STRBP: variants seen among roughly 807,000 people sequenced by gnomAD.
STRBP encodes spermatid perinuclear RNA-binding protein.
STRBP carries 13 observed loss-of-function variants against 80.1 expected under a neutral mutation model. The observed-to-expected ratio is 0.16, with a 90% CI of 0.11 to 0.26. The LOEUF is 0.26. STRBP is among the 10% of genes least tolerant of loss of function. The pLI, the probability that STRBP is intolerant of heterozygous loss-of-function variation, is 1.00. For synonymous variants in STRBP, 284 were observed against 291.2 expected (o/e 0.98, Z 0.25); for missense variants, 485 against 815.2 (o/e 0.59, Z 4.93).
chr9:123,158,122 TG>T lies in STRBP; in HGVS notation c.934del (p.His312MetfsTer44). The T allele has an allele frequency of 6.2e-7, 1 of 1,606,646 alleles. No individual in the cohort carries two copies. The highest frequency in any genetic ancestry group is 8.5e-7 in the Non-Finnish European group (1 of 1,174,416). On this transcript the variant is annotated frameshift_variant and splice_region_variant, in exon 11 of 19. Coordinates refer to ENST00000348403, the MANE Select transcript of STRBP (RefSeq NM_018387.5). LOFTEE classifies it high-confidence loss of function. ...GCCAAAGGCTGATAGTCTGAGTGCA[TG>T]CTAAAGAACAAAGTATTATATTTAA... is the stretch of plus-strand genomic sequence containing the variant. Reference protein sequence around the residue: ...QKEDITHSAQHALRLSAFGQI... With the variant: ...QKEDITHSAQXALRLSAFGQI...
rs545382481 is a variant in STRBP, at chr9:123,197,339, C to T, written c.-164-13041G>A. On this transcript the variant is annotated intron_variant, in intron 2 of 18. Transcript: ENST00000348403. ...ATTTGATAACACAACAGGGTGATTA[C>T]AGTCAGTAATTTTTTTTATTTCAAT... 1.3e-4 allele frequency among the ~76,000 whole-genome samples: 20 copies of T among 152,148 alleles called. No homozygotes were observed. The South Asian group carries it at 3.7e-3, about 28-fold the overall frequency.
intron 1 of STRBP, among the ~76,000 whole-genome samples, chr9:123,260,461 G>A (rs2041137091): frequency 6.6e-6 from 1 of 152,158 alleles, no homozygotes; most frequent in African/African-American, 2.4e-5. Flanking sequence ...ACTTCATGAG[G>A]CATTATCTTT....
downstream of STRBP, among the ~76,000 whole-genome samples, chr9:123,119,621 C>T (rs1012476001): frequency 6.6e-6 from 1 of 152,126 alleles, no homozygotes; most frequent in Non-Finnish European, 1.5e-5. Context: ...GGAACCGACA[C>T]AGCTCCACCC....
chr9:123,259,614 CAGG>C lies in STRBP; in HGVS notation c.-302+8819_-302+8821del, dbSNP rs774890719. Among the ~76,000 whole-genome samples the C allele has an allele frequency of 4.0e-4, 61 of 152,268 alleles. 1 individual carries two copies. The highest frequency in any genetic ancestry group is 5.8e-4 in the East Asian group (3 of 5,180). ...ATCCCAGATACTGAGGAGGCTGAGG[CAGG>C]AGAATTGCTTGAACCCGGGCAGCAG... On this transcript the variant is annotated intron_variant, in intron 1 of 18. Coordinates refer to ENST00000348403, the MANE Select transcript of STRBP (RefSeq NM_018387.5).
intron 2 of STRBP, among the ~76,000 whole-genome samples, chr9:123,202,414 A>G (rs1369380613): frequency 6.6e-6 from 1 of 152,194 alleles, no homozygotes; most frequent in Non-Finnish European, 1.5e-5. Context: ...GGTAGGGACA[A>G]ATTCCCCTGG....
chr9:123,210,949 T>C (rs1588108023), intron 2 of STRBP, among the ~76,000 whole-genome samples: 1 of 152,142 alleles, frequency 6.6e-6, no homozygotes, highest in African/African-American at 2.4e-5. Context: ...GGACCCACAA[T>C]GGCTTTTTAT....
At chr9:123,170,578 T>G (rs760805936) in intron 5 of STRBP, among the ~76,000 whole-genome samples, 33 of 152,130 alleles carry the variant, frequency 2.2e-4, no homozygotes, top group Non-Finnish European at 3.8e-4. Context: ...GAGGAAACAA[T>G]GAGTATAAAC....
At chr9:123,204,923 C>CAAAAAAAAA (rs34576355) in intron 2 of STRBP, among the ~76,000 whole-genome samples, 1 of 54,544 alleles carries the variant, frequency 1.8e-5, no homozygotes, top group African/African-American at 6.1e-5. Context: ...GACTCCATCT[C>CAAAAAAAAA]AAAAAAAAAA....
At chr9:123,127,215 T>C (rs999013557) in intron 18 of STRBP, among the ~76,000 whole-genome samples, 1 of 152,224 alleles carries the variant, frequency 6.6e-6, no homozygotes, top group African/African-American at 2.4e-5. Context: ...AAGGTTCAGT[T>C]CAGCAGTGTT....
chr9:123,221,789 G>A (rs1194998362), intron 2 of STRBP, among the ~76,000 whole-genome samples: 3 of 152,106 alleles, frequency 2.0e-5, no homozygotes, highest in Admixed American at 6.5e-5. Flanking sequence ...CAAGTCAGGG[G>A]GTACTTGATA....
chr9:123,130,097 A>G (rs2036071747), intron 17 of STRBP, among the ~76,000 whole-genome samples: 8 of 152,230 alleles, frequency 5.3e-5, no homozygotes, highest in Admixed American at 5.2e-4. Flanking sequence ...TAGGTCATTC[A>G]TCAGGACACT....
chr9:123,266,631 T>C (rs1296536496), intron 1 of STRBP, among the ~76,000 whole-genome samples: 3 of 152,022 alleles, frequency 2.0e-5, no homozygotes, highest in Non-Finnish European at 4.4e-5. Flanking sequence ...CCATACTCTC[T>C]TAAGCAACCT....
chr9:123,125,910 G>C (rs1287653967), intron 18 of STRBP, among the ~76,000 whole-genome samples: 1 of 152,214 alleles, frequency 6.6e-6, no homozygotes, highest in Non-Finnish European at 1.5e-5. Context: ...CATCTAGGAA[G>C]CAATTTCATT....
chr9:123,264,023 C>CA (rs2041215966), intron 1 of STRBP, among the ~76,000 whole-genome samples: 1 of 152,126 alleles, frequency 6.6e-6, no homozygotes, highest in East Asian at 1.9e-4. Context: ...ACTAAAAATA[C>CA]AAAAAATTAG....
At chr9:123,180,995 TA>T (rs2038434801) in intron 3 of STRBP, 1 of 915,762 alleles carries the variant, frequency 1.1e-6, no homozygotes, top group Non-Finnish European at 1.3e-6. Context: ...AAAATCACAT[TA>T]TTTTTGGATA....
At chr9:123,158,157 C>T in intron 10 of STRBP, 34 bp from the exon 11 acceptor site, 1 of 1,567,694 alleles carries the variant, frequency 6.4e-7, no homozygotes, top group Non-Finnish European at 8.8e-7. Flanking sequence ...AATCACATTT[C>T]AATAGCCATT....
At chr9:123,205,367 G>C (rs538138739) in intron 2 of STRBP, among the ~76,000 whole-genome samples, 1 of 152,272 alleles carries the variant, frequency 6.6e-6, no homozygotes, top group East Asian at 1.9e-4. Context: ...GCTTAAAACA[G>C]TGTCTTTGAT....
In STRBP at chr9:123,235,592, A is replaced by C. The variant is rs1217060113; in HGVS notation, c.-165+1238T>G. ...TGAAGAGACAAGTTCAGCAAAAAAA[A>C]AAAAAAAAAAAAAAAAAAAAAAAAG... On this transcript the variant is annotated intron_variant, in intron 2 of 18. Coordinates refer to ENST00000348403, the MANE Select transcript of STRBP (RefSeq NM_018387.5). Among the ~76,000 whole-genome samples, 5 of 79,228 alleles carry C rather than the reference A, an allele frequency of 6.3e-5. 1 individual carries two copies. The East Asian group carries it at 3.3e-3, about 52-fold the overall frequency. The allele number at this position is 79,228 out of a possible 152,430, so 52.0% of individuals were successfully genotyped here. A position where few individuals can be genotyped will look rare whatever the true frequency, so the allele number is the denominator to read the frequency against.
chr9:123,204,617 AC>A (rs981815191), intron 2 of STRBP, among the ~76,000 whole-genome samples: 1 of 152,170 alleles, frequency 6.6e-6, no homozygotes, highest in African/African-American at 2.4e-5. Context: ...GTGCCAAGAA[AC>A]AGTTAAGAAT....
Sources: allele counts gnomAD v4.1 joint callset (sites outside exome capture counted in the v4.1 genomes callset), GRCh38; gene constraint gnomAD v4.1.1; transcripts MANE v1.5; gene names NCBI Gene and HGNC (gene_info 2026-07-23, HGNC 2026-07-21).